CHODL: variants seen among roughly 807,000 people sequenced by gnomAD.
The protein encoded by CHODL is chondrolectin, also known as transmembrane protein MT75.
Under a neutral mutation model 34.5 loss-of-function variants are expected in CHODL, and 29 were observed. That is an observed-to-expected ratio of 0.84 (90% CI 0.63 to 1.15). CHODL has a LOEUF of 1.15. CHODL is among the 50% of genes most tolerant of loss of function. The pLI, the probability that CHODL is intolerant of heterozygous loss-of-function variation, is 0.00. For missense variants in CHODL, 332 were observed against 332.5 expected (o/e 1.00, Z 0.01); for synonymous variants, 125 against 116.1 (o/e 1.08, Z -0.49).
intron 2 of CHODL, among the ~76,000 whole-genome samples, chr21:18,063,189 T>G (rs759604784): frequency 3.3e-5 from 5 of 152,188 alleles, no homozygotes; most frequent in African/African-American, 7.2e-5. Context: ...GTGTTTATCA[T>G]TCATGAATCC....
chr21:17,939,437 G>T (rs905679616), intron 1 of CHODL, among the ~76,000 whole-genome samples: 2 of 152,044 alleles, frequency 1.3e-5, no homozygotes, highest in Non-Finnish European at 2.9e-5. Context: ...AAACAGTATT[G>T]CATTATATGT....
intron 2 of CHODL, among the ~76,000 whole-genome samples, chr21:18,096,808 C>A (rs1174088553): frequency 1.3e-5 from 2 of 151,990 alleles, no homozygotes; most frequent in Admixed American, 1.3e-4. Flanking sequence ...TCTCTGTGAC[C>A]CACTCTCTAT....
chr21:18,128,927 CAA>C (rs1469821708), intron 2 of CHODL, among the ~76,000 whole-genome samples: 1 of 152,058 alleles, frequency 6.6e-6, no homozygotes, highest in Non-Finnish European at 1.5e-5. Context: ...TCTCTAAAAT[CAA>C]AGTGAAACCT....
rs115072209 is a variant in CHODL, at chr21:18,122,339, G to A, written c.-45+94368G>A. On this transcript the variant is annotated intron_variant, in intron 2 of 6. Coordinates refer to the CHODL transcript ENST00000400127. ...ATACTTTCTTACGGTCACTGGATGA[G>A]GTCCATAGACTGCATTAAATTCTTA... 7.8e-3 allele frequency among the ~76,000 whole-genome samples: 1,184 copies of A among 152,120 alleles called. 14 individuals carry two copies. Among genetic ancestry groups the A allele is most frequent in the African/African-American group, 0.028 (1,147 of 41,508 alleles).
chr21:18,178,994 G>C (rs2073349358), intron 2 of CHODL, among the ~76,000 whole-genome samples: 1 of 152,148 alleles, frequency 6.6e-6, no homozygotes, highest in African/African-American at 2.4e-5. Flanking sequence ...AGTTTATCTT[G>C]TTTCTTGCCA....
intron 1 of CHODL, among the ~76,000 whole-genome samples, chr21:17,934,505 G>T (rs542500213): frequency 8.5e-4 from 129 of 151,642 alleles, no homozygotes; most frequent in Middle Eastern, 3.4e-3. Flanking sequence ...CCTCAGTCAG[G>T]GTTCTTTCTT....
intron 1 of CHODL, among the ~76,000 whole-genome samples, chr21:17,978,495 G>A (rs1384990301): frequency 6.6e-6 from 1 of 151,506 alleles, no homozygotes; most frequent in Non-Finnish European, 1.5e-5. Flanking sequence ...GAGGTGGGCG[G>A]ATCATAAGGT....
rs1304673545 is a variant in CHODL at position 18,193,741 on chromosome 21, A to AAAT, written c.-44-62765_-44-62763dup. Reference sequence around the variant, plus strand: ...TAAATAAATAAATAAATAAATAAATAAATAAAAAATAAACTTAAAAAAAAG... The same window carrying AAAT: ...TAAATAAATAAATAAATAAATAAATAAATAATAAAAAATAAACTTAAAAAAAAG... On this transcript the variant is annotated intron_variant, in intron 2 of 6. Transcript: ENST00000400127. Among the ~76,000 whole-genome samples the AAAT allele has an allele frequency of 2.6e-4, 39 of 150,582 alleles. No individual in the cohort carries two copies. In the South Asian group the frequency reaches 6.5e-3, roughly 25 times the overall value.
intron 2 of CHODL, among the ~76,000 whole-genome samples, chr21:18,125,001 A>G (rs1415151631): frequency 2.0e-5 from 3 of 152,214 alleles, no homozygotes; most frequent in Admixed American, 6.5e-5. Context: ...TAGGATCTCA[A>G]AAAAACTTCC....
chr21:18,062,886 A>T (rs1341006078), intron 2 of CHODL, among the ~76,000 whole-genome samples: 1 of 152,092 alleles, frequency 6.6e-6, no homozygotes, highest in Admixed American at 6.6e-5. Context: ...AGAGAAAGAG[A>T]GAAAAGGAGA....
At chr21:18,149,434 TATTTACAAGAA>T (rs1568911354) in intron 2 of CHODL, among the ~76,000 whole-genome samples, 3 of 152,200 alleles carry the variant, frequency 2.0e-5, no homozygotes, top group African/African-American at 7.2e-5. Flanking sequence ...ATCTATCAAA[TATTTACAAGAA>T]ATTTGGGGGG....
At chr21:18,156,208 G>A (rs188710428) in intron 2 of CHODL, among the ~76,000 whole-genome samples, 8 of 152,292 alleles carry the variant, frequency 5.3e-5, no homozygotes, top group African/African-American at 1.4e-4. Context: ...GGCAACTTAC[G>A]TTCAATCAAT....
At chr21:17,974,148 C>T (rs920534103) in intron 1 of CHODL, among the ~76,000 whole-genome samples, 2 of 152,214 alleles carry the variant, frequency 1.3e-5, no homozygotes, top group Admixed American at 6.5e-5. Context: ...AACTAAGCAA[C>T]GTTTTGCAAA....
At chr21:18,102,738 A>G (rs1217232939) in intron 2 of CHODL, among the ~76,000 whole-genome samples, 2 of 152,162 alleles carry the variant, frequency 1.3e-5, no homozygotes, top group African/African-American at 2.4e-5. Flanking sequence ...AAAAATGAAC[A>G]CTTGAGCCTA....
intron 2 of CHODL, among the ~76,000 whole-genome samples, chr21:18,053,535 GA>G (rs1184314354): frequency 2.0e-5 from 3 of 151,976 alleles, no homozygotes; most frequent in Non-Finnish European, 4.4e-5. Flanking sequence ...TAATATTTTA[GA>G]AATGGAACCT....
intron 1 of CHODL, among the ~76,000 whole-genome samples, chr21:18,248,690 T>C (rs1187388269): frequency 2.5e-5 from 3 of 119,348 alleles, no homozygotes; most frequent in Admixed American, 9.7e-5. Flanking sequence ...GTATATATTA[T>C]ATACATATAT....
At chr21:18,026,941 T>C (rs1370314927) in intron 1 of CHODL, among the ~76,000 whole-genome samples, 1 of 152,180 alleles carries the variant, frequency 6.6e-6, no homozygotes, top group Admixed American at 6.5e-5. Context: ...TCTTCTGTTT[T>C]TAGAAAGATA....
intron 2 of CHODL, among the ~76,000 whole-genome samples, chr21:18,045,803 T>C (rs893708809): frequency 1.3e-5 from 2 of 151,816 alleles, no homozygotes; most frequent in South Asian, 4.1e-4. Flanking sequence ...TAGGCCCCCA[T>C]TTTTTGCCTT....
At chr21:18,206,324 G>C (rs2073711394) in intron 2 of CHODL, among the ~76,000 whole-genome samples, 1 of 152,052 alleles carries the variant, frequency 6.6e-6, no homozygotes, top group East Asian at 1.9e-4. Flanking sequence ...TGCAGTAGTA[G>C]GTACATATAT....
Sources: gnomAD v4.1 joint callset for allele counts (sites outside exome capture counted in the v4.1 genomes callset) on GRCh38, gnomAD v4.1.1 for gene constraint, MANE v1.5 for transcripts, NCBI Gene and HGNC (gene_info 2026-07-23, HGNC 2026-07-21) for gene names.